Variants in MEGF10 observed in about 807,000 individuals in gnomAD.
MEGF10 encodes multiple EGF like domains 10, also known as multiple epidermal growth factor-like domains protein 10.
A neutral mutation model predicts 147.5 loss-of-function variants in MEGF10; 86 were observed. The observed-to-expected ratio is 0.58, with a 90% CI of 0.49 to 0.70. MEGF10 has a LOEUF of 0.70. Ranked by LOEUF, MEGF10 falls within the 30% of genes least tolerant of loss-of-function variation. The pLI, the probability that MEGF10 is intolerant of heterozygous loss-of-function variation, is 0.00. For missense variants in MEGF10, 1,329 were observed against 1,487.3 expected (o/e 0.89, Z 1.75); for synonymous variants, 478 against 525.5 (o/e 0.91, Z 1.24).
chr5:127,380,811 C>A (rs183927978), intron 5 of MEGF10, among the ~76,000 whole-genome samples: 35 of 152,274 alleles, frequency 2.3e-4, no homozygotes, highest in Admixed American at 1.2e-3. Context: ...GCCACCGCGC[C>A]CAGCTGACAC....
chr5:127,234,708 G>C, the MEGF10 span, among the ~76,000 whole-genome samples: 1 of 152,114 alleles, frequency 6.6e-6, no homozygotes, highest in East Asian at 1.9e-4. Context: ...TATTTAGAAA[G>C]CTCCCTATAA....
In MEGF10 at chr5:127,339,140, A is replaced by C; in HGVS notation, c.137A>C (p.Glu46Ala). The change falls in exon 3 of 25, where the codon GAG becomes GCG. Residue 46 changes from glutamate (E) to alanine (A), a missense_variant. By Grantham distance (107) the Glu-to-Ala change is moderately radical. Transcript: ENST00000503335. ...TTCAGCTACTCAGTGACTGTGCAAG[A>C]GTCATACCCACATCCCTTTGATCAA... ...HWESYSVTVQ[E>A]SYPHPFDQIY... The C allele has an allele frequency of 1.2e-6, 2 of 1,611,194 alleles. No homozygotes were observed. The highest frequency in any genetic ancestry group is 1.7e-6 in the Non-Finnish European group (2 of 1,177,776).
intron 1 of MEGF10, among the ~76,000 whole-genome samples, chr5:127,327,409 C>T (rs1761080436): frequency 1.3e-5 from 2 of 152,134 alleles, no homozygotes; most frequent in African/African-American, 2.4e-5. Context: ...TTCAAAATGT[C>T]TATCTTAATG....
chr5:127,257,200 C>T, the MEGF10 span, among the ~76,000 whole-genome samples: 1 of 151,834 alleles, frequency 6.6e-6, no homozygotes, highest in East Asian at 1.9e-4. Flanking sequence ...GGTGTGACTC[C>T]CAGTCCCTTC....
At chr5:127,335,793 A>G (rs1165433152) in intron 2 of MEGF10, among the ~76,000 whole-genome samples, 1 of 152,000 alleles carries the variant, frequency 6.6e-6, no homozygotes, top group Non-Finnish European at 1.5e-5. Flanking sequence ...AAGAAGCACA[A>G]CAACATGCTG....
intron 5 of MEGF10, among the ~76,000 whole-genome samples, chr5:127,395,013 C>T (rs6897290): frequency 0.17 from 26,265 of 152,040 alleles, 2,449 homozygotes; most frequent in African/African-American, 0.25. Flanking sequence ...CTAGAGTTTT[C>T]TTCTTTTGAA....
At chr5:127,438,329 T>G (rs1765631371) in intron 16 of MEGF10, 110 bp from the exon 17 acceptor site, 2 of 1,251,028 alleles carry the variant, frequency 1.6e-6, no homozygotes, top group African/African-American at 1.5e-5. Flanking sequence ...AGTCCTGATG[T>G]ACACTGCTAA....
intron 1 of MEGF10, among the ~76,000 whole-genome samples, chr5:127,309,002 C>T (rs769240973): frequency 6.6e-6 from 1 of 152,060 alleles, no homozygotes; most frequent in Non-Finnish European, 1.5e-5. Context: ...ATGTAAAATT[C>T]TGGGACACTG....
chr5:127,451,596 T>C (rs973017200), intron 22 of MEGF10, among the ~76,000 whole-genome samples: 1 of 152,156 alleles, frequency 6.6e-6, no homozygotes. Flanking sequence ...CAACCAGCGC[T>C]AGTGAAAGAA....
In MEGF10 at chr5:127,438,117, G is replaced by T. The variant is rs73783795; in HGVS notation, c.2105-322G>T. 0.044 allele frequency among the ~76,000 whole-genome samples: 6,700 copies of T among 152,102 alleles called. 188 individuals carry two copies. Among genetic ancestry groups the T allele is most frequent in the African/African-American group, 0.082 (3,382 of 41,470 alleles). ...GTCTTATACTCTGCTATCTCCCTTGGGCCTGGAACAGTGTTGGGTACATAA... is the reference window on the plus strand; with the variant it reads ...GTCTTATACTCTGCTATCTCCCTTGTGCCTGGAACAGTGTTGGGTACATAA... On this transcript the variant is annotated intron_variant, in intron 16 of 24. Transcript: ENST00000503335.
At chr5:127,270,853 G>A in the MEGF10 span, among the ~76,000 whole-genome samples, 3 of 152,196 alleles carry the variant, frequency 2.0e-5, no homozygotes, top group Non-Finnish European at 4.4e-5. Flanking sequence ...AGTTTGCTAA[G>A]GATAATGGCC....
At chr5:127,440,253 T>C (rs368567632) in intron 17 of MEGF10, among the ~76,000 whole-genome samples, 7 of 152,190 alleles carry the variant, frequency 4.6e-5, no homozygotes, top group African/African-American at 1.7e-4. Context: ...TTCAGGGAAG[T>C]TGATATTATC....
At chr5:127,257,492 C>T in the MEGF10 span, among the ~76,000 whole-genome samples, 3 of 151,958 alleles carry the variant, frequency 2.0e-5, no homozygotes, top group Non-Finnish European at 2.9e-5. Context: ...GCATGACAAG[C>T]GCCATATTTT....
chr5:127,435,673 A>G (rs1765531513), intron 16 of MEGF10, among the ~76,000 whole-genome samples, 184 bp downstream of exon 16: 1 of 151,922 alleles, frequency 6.6e-6, no homozygotes, highest in Non-Finnish European at 1.5e-5. Flanking sequence ...CCTCTATGCA[A>G]TGGTCCTATG....
chr5:127,258,872 T>C, the MEGF10 span, among the ~76,000 whole-genome samples: 4 of 152,164 alleles, frequency 2.6e-5, no homozygotes. Context: ...TAAATTTCTG[T>C]TCACTACAAA....
At chr5:127,295,355 G>A (rs1448299431) in intron 1 of MEGF10, among the ~76,000 whole-genome samples, 1 of 152,112 alleles carries the variant, frequency 6.6e-6, no homozygotes, top group Non-Finnish European at 1.5e-5. Flanking sequence ...TTCAATAACA[G>A]TTGACCAGCT....
At chr5:127,390,889 G>A (rs1431625115) in intron 5 of MEGF10, among the ~76,000 whole-genome samples, 1 of 152,092 alleles carries the variant, frequency 6.6e-6, no homozygotes, top group Non-Finnish European at 1.5e-5. Flanking sequence ...CTTTGAGCAA[G>A]TCACCTGGAT....
At chr5:127,342,245 G>A (rs563159275) in intron 4 of MEGF10, among the ~76,000 whole-genome samples, 1 of 152,262 alleles carries the variant, frequency 6.6e-6, no homozygotes, top group African/African-American at 2.4e-5. Flanking sequence ...GGGGATTGGG[G>A]AGGCCTGGCC....
intron 5 of MEGF10, among the ~76,000 whole-genome samples, chr5:127,390,295 CTT>C (rs769521777): frequency 6.8e-6 from 1 of 146,078 alleles, no homozygotes. Context: ...CATGGGGCAT[CTT>C]TTTTTTTTTT....
Sources: gnomAD v4.1 joint callset for allele counts (sites outside exome capture counted in the v4.1 genomes callset) on GRCh38, gnomAD v4.1.1 for gene constraint, MANE v1.5 for transcripts, NCBI Gene and HGNC (gene_info 2026-07-23, HGNC 2026-07-21) for gene names.